CRYBG1: variants seen among roughly 807,000 people sequenced by gnomAD.
CRYBG1 encodes the protein crystallin beta-gamma domain containing 1, also known as beta/gamma crystallin domain-containing protein 1.
In CRYBG1, 139 loss-of-function variants were observed where a neutral mutation model predicts 189.2. The observed-to-expected ratio is 0.73, with a 90% CI of 0.64 to 0.85. The LOEUF is 0.85. Among genes scored for constraint, CRYBG1 ranks in the 40% least tolerant of loss-of-function variants. The probability of loss-of-function intolerance (pLI) is 0.00; values close to 1 mark genes in which losing one functional copy is unlikely to be tolerated. For synonymous variants in CRYBG1, 1,023 were observed against 1,017.1 expected (o/e 1.01, Z -0.11); for missense variants, 2,611 against 2,675.8 (o/e 0.98, Z 0.53).
At position 106,521,153 on chromosome 6, in the gene CRYBG1, C is replaced by T; in HGVS notation, c.3945C>T (p.Asn1315=). The change falls in exon 4 of 22, where the codon AAC becomes AAT. Residue 1315 remains asparagine (N), a synonymous_variant. Transcript: ENST00000633556. The stretch of plus-strand genomic sequence containing the variant: ...ACTCCTTAAAGGTCTTCAATTTCAA[C>T]TCGTCAAGTACATCACACTCCAGTT... ...PDNSLKVFNF[N]SSSTSHSSLK... The T allele has an allele frequency of 3.1e-6, 5 of 1,614,168 alleles. No individual in the cohort carries two copies. Among genetic ancestry groups the T allele is most frequent in the Non-Finnish European group, 4.2e-6 (5 of 1,180,038 alleles).
Position 106,553,544 on chromosome 6 carries a change from G to C in CRYBG1, c.5562G>C (p.Lys1854Asn), listed in dbSNP as rs1774457982. The C allele has an allele frequency of 1.9e-6, 3 of 1,612,974 alleles. No individual in the cohort carries two copies. Among genetic ancestry groups the C allele is most frequent in the Non-Finnish European group, 2.5e-6 (3 of 1,179,052 alleles). ...TSQIDDSFSTKSCRVSGGSWV... is the reference protein window; with the variant it reads ...TSQIDDSFSTNSCRVSGGSWV... ...AAATTGATGATTCATTTTCTACCAA[G>C]TCTTGCAGAGTTTCAGGAGGCAGGT... is the stretch of plus-strand genomic sequence containing the variant. The change falls in exon 16 of 22, where the codon AAG becomes AAC. Residue 1854 changes from lysine (K) to asparagine (N), a missense_variant. By Grantham distance (94) the Lys-to-Asn change is moderately conservative (BLOSUM62 0). Transcript: ENST00000633556.
intron 1 of CRYBG1, among the ~76,000 whole-genome samples, chr6:106,380,976 G>A (rs767877799): frequency 6.6e-6 from 1 of 152,124 alleles, no homozygotes; most frequent in Non-Finnish European, 1.5e-5. Flanking sequence ...GATTGCAAAT[G>A]GGAAAGAGGA....
In CRYBG1 at chr6:106,560,171, T is replaced by A. The variant is rs183363038; in HGVS notation, c.5856-632T>A. 4.9e-3 allele frequency among the ~76,000 whole-genome samples: 742 copies of A among 152,342 alleles called. 8 individuals carry two copies. The highest frequency in any genetic ancestry group is 0.017 in the African/African-American group (698 of 41,564). On this transcript the variant is annotated intron_variant, in intron 18 of 21. Coordinates refer to ENST00000633556, the MANE Select transcript of CRYBG1 (RefSeq NM_001371242.2). ...AGTAGGTTTTAATATTTTGTTTTTA[T>A]GATAAGATGACTAAAATGATAAAAT...
At chr6:106,375,409 GTAAGTAAGTAAGTAAA>G (rs775665846) in intron 1 of CRYBG1, among the ~76,000 whole-genome samples, 3,252 of 139,362 alleles carry the variant, frequency 0.023, 48 homozygotes, top group South Asian at 0.056. Context: ...AAGTAAGTAA[GTAAGTAAGTAAGTAAA>G]TAAATAAATA....
intron 1 of CRYBG1, among the ~76,000 whole-genome samples, chr6:106,445,935 T>C (rs1396401901): frequency 1.3e-5 from 2 of 152,376 alleles, no homozygotes; most frequent in East Asian, 3.9e-4. Flanking sequence ...GAGATTTACA[T>C]GGCTCTATCC....
chr6:106,449,992 A>T (rs1426349802), intron 1 of CRYBG1, among the ~76,000 whole-genome samples: 2 of 152,308 alleles, frequency 1.3e-5, no homozygotes, highest in East Asian at 3.9e-4. Context: ...TGGGAGGCTG[A>T]GGCAGGTGGC....
chr6:106,562,481 T>G (rs998057547), intron 20 of CRYBG1, among the ~76,000 whole-genome samples: 1 of 59,154 alleles, frequency 1.7e-5, no homozygotes, highest in Non-Finnish European at 4.3e-5. Context: ...CATCTCAATA[T>G]AGAATAATAT....
intron 2 of CRYBG1, among the ~76,000 whole-genome samples, chr6:106,484,856 T>C (rs779848788): frequency 6.8e-4 from 103 of 151,960 alleles, no homozygotes; most frequent in Non-Finnish European, 1.0e-3. Flanking sequence ...CTGGATGTGG[T>C]GGTATGTTCC....
rs565398602 is a variant in CRYBG1, at chr6:106,404,895, G to A, written c.173+43814G>A. The stretch of plus-strand genomic sequence containing the variant: ...ACAGTCTTCGCAACCCACAGACCAG[G>A]AGATTCCTTCGTGTGCCTACACCAC... On this transcript the variant is annotated intron_variant, in intron 1 of 21. Transcript: ENST00000633556. Among the ~76,000 whole-genome samples, 7 of 152,250 alleles carry A rather than the reference G, an allele frequency of 4.6e-5. No individual in the cohort carries two copies. In the East Asian group the frequency reaches 9.6e-4, roughly 21 times the overall value.
At chr6:106,410,447 A>G (rs755444712) in intron 1 of CRYBG1, among the ~76,000 whole-genome samples, 58 of 152,340 alleles carry the variant, frequency 3.8e-4, no homozygotes, top group Middle Eastern at 3.4e-3. Context: ...TAGTTCAACC[A>G]TTGTGGAAGA....
intron 2 of CRYBG1, among the ~76,000 whole-genome samples, chr6:106,503,169 TA>T (rs774624983): frequency 6.6e-6 from 1 of 151,994 alleles, no homozygotes; most frequent in Admixed American, 6.6e-5. Flanking sequence ...ATGGAGAGAT[TA>T]GGGGGGAAAT....
intron 17 of CRYBG1, among the ~76,000 whole-genome samples, chr6:106,558,231 T>TC (rs1774604625): frequency 3.5e-5 from 1 of 28,304 alleles, no homozygotes; most frequent in Non-Finnish European, 4.1e-4. Flanking sequence ...CCCATTTCTC[T>TC]TTTTTTTTTC....
chr6:106,543,984 A>C (rs1774200240), intron 11 of CRYBG1, among the ~76,000 whole-genome samples: 1 of 152,190 alleles, frequency 6.6e-6, no homozygotes, highest in African/African-American at 2.4e-5. Flanking sequence ...CTCAGGAGGC[A>C]AAGGCTGCGG....
rs373859652 is a variant in CRYBG1 at position 106,539,515 on chromosome 6, C to A, written c.4831C>A (p.Arg1611=). The A allele has an allele frequency of 1.8e-5, 29 of 1,609,488 alleles. No individual in the cohort carries two copies. The highest frequency in any genetic ancestry group is 1.7e-5 in the Admixed American group (1 of 59,018). The part of the protein sequence containing the change: ...DTEEAYIGSM[R]PLKMGGRKVE... ...AGAAGAAGCGTACATTGGATCCATGCGGCCTCTGAAAATGGTAAAAATGAA... is the reference window on the plus strand; with the variant it reads ...AGAAGAAGCGTACATTGGATCCATGAGGCCTCTGAAAATGGTAAAAATGAA... Residue 1611 remains arginine, a synonymous_variant, in exon 9 of 22, where the codon CGG becomes AGG. Coordinates refer to ENST00000633556, the MANE Select transcript of CRYBG1 (RefSeq NM_001371242.2).
chr6:106,369,265 A>C (rs1297196958), intron 1 of CRYBG1, among the ~76,000 whole-genome samples: 1 of 152,176 alleles, frequency 6.6e-6, no homozygotes, highest in African/African-American at 2.4e-5. Flanking sequence ...AAAGAAACAC[A>C]ATTAACAAGT....
rs369176374 is a variant in CRYBG1 at position 106,544,890 on chromosome 6, G to C, written c.5269G>C (p.Gly1757Arg). The C allele has an allele frequency of 1.1e-5, 18 of 1,613,194 alleles. No homozygotes were observed. Among genetic ancestry groups the C allele is most frequent in the Non-Finnish European group, 1.5e-5 (18 of 1,179,756 alleles). ...AATTGTTGCTAATTTAAAGGAGACT[G>C]GATATGGAGTGAAGACACAGTCTAT... The part of the protein sequence containing the change: ...LGIVANLKET[G>R]YGVKTQSINV... Residue 1757 changes from glycine to arginine, a missense_variant, in exon 13 of 22, where the codon GGA becomes CGA. Transcript: ENST00000633556.
intron 3 of CRYBG1, among the ~76,000 whole-genome samples, chr6:106,518,511 C>T (rs1215600429): frequency 2.6e-5 from 4 of 152,240 alleles, no homozygotes; most frequent in Admixed American, 2.6e-4. Context: ...GTGCCAAGCA[C>T]TGTGCATACA....
intron 1 of CRYBG1, among the ~76,000 whole-genome samples, chr6:106,428,138 T>G (rs1771261952): frequency 6.6e-6 from 1 of 152,200 alleles, no homozygotes; most frequent in African/African-American, 2.4e-5. Flanking sequence ...AATATTAGCT[T>G]TCTTTTGTGT....
intron 2 of CRYBG1, among the ~76,000 whole-genome samples, chr6:106,461,498 G>T (rs1043265347): frequency 9.2e-5 from 14 of 152,146 alleles, no homozygotes; most frequent in Non-Finnish European, 1.6e-4. Flanking sequence ...ATTGAGAGAG[G>T]ATCTTATCAT....
Sources: allele counts gnomAD v4.1 joint callset (sites outside exome capture counted in the v4.1 genomes callset), GRCh38; gene constraint gnomAD v4.1.1; transcripts MANE v1.5; gene names NCBI Gene and HGNC (gene_info 2026-07-23, HGNC 2026-07-21).